Variants in RNF214 observed in about 807,000 individuals in gnomAD.
RNF214 encodes the protein ring finger protein 214.
In RNF214, 25 loss-of-function variants were observed where a neutral mutation model predicts 75.9. That is an observed-to-expected ratio of 0.33 (90% CI 0.24 to 0.46). The LOEUF is 0.46. Among genes scored for constraint, RNF214 ranks in the 20% least tolerant of loss-of-function variants. RNF214 has a pLI of 1.00. For missense variants in RNF214, 725 were observed against 857.5 expected (o/e 0.85, Z 1.93); for synonymous variants, 314 against 308.8 (o/e 1.02, Z -0.18).
At chr11:117,280,310 T>G (rs761612521) in intron 8 of RNF214, 51 bp downstream of exon 8, 1 of 1,336,262 alleles carries the variant, frequency 7.5e-7, no homozygotes, top group South Asian at 1.2e-5. Flanking sequence ...TTTGTTTGTT[T>G]GTTTGTTTAG....
intron 6 of RNF214, among the ~76,000 whole-genome samples, chr11:117,254,420 G>C (rs1402613062): frequency 6.6e-6 from 1 of 151,982 alleles, no homozygotes; most frequent in Non-Finnish European, 1.5e-5. Flanking sequence ...TCTCTTTCTT[G>C]TTCAGTGACC....
chr11:117,282,098 T>C lies in RNF214; in HGVS notation c.1540T>C (p.Leu514=). Residue 514 remains leucine, a synonymous_variant, in exon 11 of 15, where the codon TTG becomes CTG. Transcript: ENST00000300650. Reference sequence around the variant, plus strand: ...CTCCCATGGCAGAAATAGCCCTGGCTTGGGTTCCCTTGTCAGCCCCCACGG... The same window carrying C: ...CTCCCATGGCAGAAATAGCCCTGGCCTGGGTTCCCTTGTCAGCCCCCACGG... ...PGSHGRNSPG[L]GSLVSPHGPH... The C allele has an allele frequency of 4.3e-6, 7 of 1,614,102 alleles. No individual in the cohort carries two copies. The highest frequency in any genetic ancestry group is 5.9e-6 in the Non-Finnish European group (7 of 1,180,008).
intron 6 of RNF214, among the ~76,000 whole-genome samples, chr11:117,274,487 T>C (rs963390109): frequency 2.2e-5 from 3 of 139,286 alleles, no homozygotes; most frequent in Non-Finnish European, 4.6e-5. Context: ...CTCAGCCTCC[T>C]GAGTAGCTGG....
At chr11:117,236,454 A>G (rs2032914461) in intron 2 of RNF214, among the ~76,000 whole-genome samples, 1 of 151,826 alleles carries the variant, frequency 6.6e-6, no homozygotes, top group African/African-American at 2.4e-5. Context: ...TTTGTATTTT[A>G]GTAGAGGCAG....
In RNF214 at chr11:117,280,185, G is replaced by A; in HGVS notation, c.1071G>A (p.Glu357=). ...RAWKAEILSL[E]SRKELLVLKL... is the part of the protein sequence containing the mutation. ...GGCTTCCTTAGATCTTATCACTAGA[G>A]AGCCGGAAAGAGTTACTGGTACTGA... Residue 357 remains glutamate (E), a synonymous_variant, in exon 8 of 15, where the codon GAG becomes GAA. Coordinates refer to ENST00000300650, the MANE Select transcript of RNF214 (RefSeq NM_207343.4). 6.2e-7 allele frequency: 1 copy of A among 1,613,276 alleles called. No homozygotes were observed. The highest frequency in any genetic ancestry group is 8.5e-7 in the Non-Finnish European group (1 of 1,179,312).
chr11:117,258,500 A>T (rs1379025333), intron 6 of RNF214, among the ~76,000 whole-genome samples: 1 of 152,092 alleles, frequency 6.6e-6, no homozygotes, highest in Non-Finnish European at 1.5e-5. Context: ...GCCCCTGAAC[A>T]TATATACATG....
At chr11:117,250,869 G>A (rs1406086963) in intron 6 of RNF214, among the ~76,000 whole-genome samples, 1 of 147,282 alleles carries the variant, frequency 6.8e-6, no homozygotes, top group African/African-American at 2.5e-5. Context: ...ATCTTGCACC[G>A]CCCTTAATCC....
chr11:117,281,521 T>A, intron 9 of RNF214, 79 bp from the exon 10 acceptor site: 1 of 1,414,810 alleles, frequency 7.1e-7, no homozygotes, highest in South Asian at 1.2e-5. Flanking sequence ...TTCCTTTTGT[T>A]TTCCTGATAA....
At chr11:117,273,034 A>C (rs2033943725) in intron 6 of RNF214, among the ~76,000 whole-genome samples, 1 of 152,184 alleles carries the variant, frequency 6.6e-6, no homozygotes, top group African/African-American at 2.4e-5. Context: ...TTTTCTATGA[A>C]AAATATTTTT....
At chr11:117,256,708 A>C (rs531020452) in intron 6 of RNF214, among the ~76,000 whole-genome samples, 230 of 152,336 alleles carry the variant, frequency 1.5e-3, no homozygotes, top group Admixed American at 2.7e-3. Context: ...GAACCAGTAC[A>C]GTGCTAGTTC....
intron 6 of RNF214, among the ~76,000 whole-genome samples, chr11:117,277,058 T>C: frequency 6.6e-6 from 1 of 152,216 alleles, no homozygotes; most frequent in East Asian, 1.9e-4. Flanking sequence ...TAAAGAATTA[T>C]TAGGCTGGGT....
intron 4 of RNF214, 75 bp downstream of exon 4, chr11:117,239,935 G>C (rs2033025033): frequency 1.2e-6 from 1 of 815,190 alleles, no homozygotes; most frequent in Non-Finnish European, 2.1e-6. Context: ...ATCTCAGTTG[G>C]AAAAGGTGCA....
chr11:117,246,868 A>G lies in RNF214; in HGVS notation c.879A>G (p.Ile293Met). 1 of 1,613,374 alleles carries G rather than the reference A, an allele frequency of 6.2e-7. No homozygotes were observed. The highest frequency in any genetic ancestry group is 1.3e-5 in the African/African-American group (1 of 75,028). Residue 293 changes from isoleucine (I) to methionine (M), a missense_variant, in exon 6 of 15, where the codon ATA becomes ATG. Coordinates refer to ENST00000300650, the MANE Select transcript of RNF214 (RefSeq NM_207343.4). ...AGCGGGAAGAAACAAAGAAGAAGAT[A>G]GAGAAAGAGAAGAAGGAGTTTTTGC... ...TIKREETKKK[I>M]EKEKKEFLQK...
chr11:117,279,249 T>C (rs1046005191), intron 6 of RNF214, among the ~76,000 whole-genome samples: 9 of 151,848 alleles, frequency 5.9e-5, no homozygotes, highest in African/African-American at 1.2e-4. Flanking sequence ...CTGCCTTCAA[T>C]GGAGGGCTTT....
At chr11:117,259,873 T>C (rs764948548) in intron 6 of RNF214, among the ~76,000 whole-genome samples, 1 of 152,220 alleles carries the variant, frequency 6.6e-6, no homozygotes, top group Non-Finnish European at 1.5e-5. Flanking sequence ...CCCTCTTACA[T>C]GACTGTTTAC....
rs1336411450 is a variant in RNF214, at chr11:117,247,842, G to GT, written c.959+895dup. 3.5e-4 allele frequency among the ~76,000 whole-genome samples: 51 copies of GT among 144,338 alleles called. 1 individual carries two copies. The Admixed American group carries it at 3.6e-3, about 10-fold the overall frequency. 94.7% of individuals were successfully genotyped at this position (144,338 alleles called of 152,430 possible). A position where few individuals can be genotyped will look rare whatever the true frequency, so the allele number is the denominator to read the frequency against. ...CACTGGACTTCAGCCTGGCAACAGAGTGAGACCCTGTCTCAAAAAAAAAAA... is the reference window on the plus strand; with the variant it reads ...CACTGGACTTCAGCCTGGCAACAGAGTTGAGACCCTGTCTCAAAAAAAAAAA... On this transcript the variant is annotated intron_variant, in intron 6 of 14. Transcript: ENST00000300650.
rs2034250267 is a variant in RNF214, at chr11:117,285,989, C to G, written c.*838C>G. The G allele has an allele frequency of 6.6e-6, 1 of 152,666 alleles. No homozygotes were observed. Among genetic ancestry groups the G allele is most frequent in the African/African-American group, 2.4e-5 (1 of 41,458 alleles). 9.5% of individuals were successfully genotyped at this position (152,666 alleles called of 1,614,324 possible). On this transcript the variant is annotated 3_prime_UTR_variant, in exon 15 of 15. Transcript: ENST00000300650. ...TGTGAAGTCCTCACCCTTTCCCATT[C>G]ACTTCTGGTCTCCTAGTCTAGCTAA...
chr11:117,258,444 A>ATT (rs2033578520), intron 6 of RNF214, among the ~76,000 whole-genome samples: 1 of 151,528 alleles, frequency 6.6e-6, no homozygotes, highest in Non-Finnish European at 1.5e-5. Flanking sequence ...CTGAGGTCTT[A>ATT]TTTTTTCATT....
intron 6 of RNF214, among the ~76,000 whole-genome samples, chr11:117,273,433 CTATT>C (rs1275139172): frequency 6.6e-6 from 1 of 151,216 alleles, no homozygotes; most frequent in African/African-American, 2.4e-5. Context: ...ACATTAAAAT[CTATT>C]TGTTTACCTT....
Sources: gnomAD v4.1 joint callset for allele counts (sites outside exome capture counted in the v4.1 genomes callset) on GRCh38, gnomAD v4.1.1 for gene constraint, MANE v1.5 for transcripts, NCBI Gene and HGNC (gene_info 2026-07-23, HGNC 2026-07-21) for gene names.